NMD3: variants seen among roughly 807,000 people sequenced by gnomAD.
NMD3 encodes the protein NMD3 ribosome export adaptor, also known as 60S ribosomal export protein NMD3.
A neutral mutation model predicts 73.1 loss-of-function variants in NMD3; 47 were observed. That is an observed-to-expected ratio of 0.64 (90% CI 0.51 to 0.82). The LOEUF is 0.82. Among genes scored for constraint, NMD3 ranks in the 40% least tolerant of loss-of-function variants. The pLI, the probability that NMD3 is intolerant of heterozygous loss-of-function variation, is 0.00. For synonymous variants in NMD3, 210 were observed against 194.5 expected, an observed-to-expected ratio of 1.08 and a Z score of -0.66; for missense variants, 554 against 612.5, an observed-to-expected ratio of 0.90 and a Z score of 1.01.
chr3:161,236,304 T>A (rs1560068971), intron 7 of NMD3, among the ~76,000 whole-genome samples: 2 of 152,162 alleles, frequency 1.3e-5, no homozygotes, highest in Non-Finnish European at 1.5e-5. Context: ...TGTACCATTT[T>A]ACATTCCTGC....
At chr3:161,245,771 A>C (rs1347844147) in intron 11 of NMD3, among the ~76,000 whole-genome samples, 1 of 151,882 alleles carries the variant, frequency 6.6e-6, no homozygotes, top group Non-Finnish European at 1.5e-5. Context: ...TATATATAGC[A>C]GATGTACTAT....
intron 13 of NMD3, 56 bp from the exon 14 acceptor site, chr3:161,249,398 G>A: frequency 9.2e-7 from 1 of 1,090,954 alleles, no homozygotes; most frequent in Non-Finnish European, 1.4e-6. Flanking sequence ...ATTGAATTTT[G>A]TGGCCTCACT....
intron 11 of NMD3, among the ~76,000 whole-genome samples, chr3:161,243,128 AC>A (rs1737058691): frequency 6.6e-6 from 1 of 151,954 alleles, no homozygotes; most frequent in African/African-American, 2.4e-5. Flanking sequence ...ACATTCCAAG[AC>A]CCCCAGTGGA....
At position 161,250,766 on chromosome 3, in the gene NMD3, T is replaced by G; in HGVS notation, c.1382-14T>G. 1 of 1,562,226 alleles carries G rather than the reference T, an allele frequency of 6.4e-7. No homozygotes were observed. The highest frequency in any genetic ancestry group is 8.8e-7 in the Non-Finnish European group (1 of 1,137,018). On this transcript the variant is annotated splice_polypyrimidine_tract_variant and intron_variant, in intron 15 of 15. Transcript: ENST00000351193. ...ATACTTTGTATTTATTTTATTCTCT[T>G]TGTATTTTTTTAGATTCAGCCATCC...
intron 13 of NMD3, 135 bp downstream of exon 13, chr3:161,247,465 A>G: frequency 1.9e-6 from 1 of 516,046 alleles, no homozygotes; most frequent in Non-Finnish European, 3.4e-6. Flanking sequence ...GATAAGGTAT[A>G]ATAGCAAAAT....
intron 9 of NMD3, among the ~76,000 whole-genome samples, chr3:161,240,525 G>GTTTTTTTTTT (rs1576853312): frequency 1.5e-4 from 9 of 60,614 alleles, no homozygotes; most frequent in African/African-American, 2.4e-4. Flanking sequence ...TTGGGCCCTG[G>GTTTTTTTTTT]ATTTTTTTTT....
intron 13 of NMD3, among the ~76,000 whole-genome samples, chr3:161,248,582 A>G (rs1040393470): frequency 4.6e-5 from 7 of 152,148 alleles, no homozygotes; most frequent in African/African-American, 1.7e-4. Flanking sequence ...TTTCACATAC[A>G]TTGTTCAGTT....
chr3:161,249,559 A>C lies in NMD3; in HGVS notation c.1309A>C (p.Arg437=), dbSNP rs1461213820. The C allele has an allele frequency of 1.9e-6, 3 of 1,572,942 alleles. No individual in the cohort carries two copies. The highest frequency in any genetic ancestry group is 1.7e-5 in the Admixed American group (1 of 59,616). ...AGAAAACATGGATACAGATGATGAA[A>C]GGTCTCGCTTTTCTTTAAATCTCTT... is the stretch of plus-strand genomic sequence containing the variant. The part of the protein sequence containing the change: ...ERENMDTDDE[R]QYQDFLEDLE... Residue 437 remains arginine (R), a splice_region_variant and synonymous_variant, in exon 14 of 16, where the codon AGG becomes CGG. Coordinates refer to ENST00000351193, the MANE Select transcript of NMD3 (RefSeq NM_015938.5).
rs1209202581 is a variant in NMD3, at chr3:161,232,412, TC to T, written c.277-985del. Among the ~76,000 whole-genome samples, 9 of 152,284 alleles carry T rather than the reference TC, an allele frequency of 5.9e-5. No homozygotes were observed. In the East Asian group the frequency reaches 1.7e-3, roughly 29 times the overall value. On this transcript the variant is annotated intron_variant, in intron 4 of 15. Transcript: ENST00000351193. ...TGCAGCCCAAATTTTTTTATAGATC[TC>T]CAGACCAATTGTATCTTACTGTTCA... is the stretch of plus-strand genomic sequence containing the variant.
Position 161,248,753 on chromosome 3 carries a change from T to G in NMD3, c.1204-701T>G, listed in dbSNP as rs114327511. ...AGAATCATGAGAAACTGAATGAAAT[T>G]AGTGTGAAAGACCCTGTCTTCTATA... On this transcript the variant is annotated intron_variant, in intron 13 of 15. Coordinates refer to ENST00000351193, the MANE Select transcript of NMD3 (RefSeq NM_015938.5). 5.1e-3 allele frequency among the ~76,000 whole-genome samples: 782 copies of G among 152,262 alleles called. 4 individuals are homozygous for G. Among genetic ancestry groups the G allele is most frequent in the Non-Finnish European group, 7.4e-3 (503 of 68,014 alleles).
rs530445987 is a variant in NMD3, at chr3:161,246,535, T to G, written c.1130+87T>G. 17 of 521,226 alleles carry G rather than the reference T, an allele frequency of 3.3e-5. No homozygotes were observed. In the East Asian group the frequency reaches 4.0e-4, roughly 12 times the overall value. 32.3% of individuals were successfully genotyped at this position (521,226 alleles called of 1,614,324 possible). A position where few individuals can be genotyped will look rare whatever the true frequency, so the allele number is the denominator to read the frequency against. ...CAAAACTACCTAAAAATACTAACATTGTTTATTCTAAAAAGATCGAAGGGT... is the reference window on the plus strand; with the variant it reads ...CAAAACTACCTAAAAATACTAACATGGTTTATTCTAAAAAGATCGAAGGGT... On this transcript the variant is annotated intron_variant, in intron 12 of 15. Coordinates refer to ENST00000351193, the MANE Select transcript of NMD3 (RefSeq NM_015938.5).
chr3:161,251,157 T>C lies in NMD3; in HGVS notation c.*247T>C, dbSNP rs1737472194. Reference sequence around the variant, plus strand: ...TTTGGCAATTTTACATTTGGAATTTTATCACTGTGCTTTTTTATATGAGGC... The same window carrying C: ...TTTGGCAATTTTACATTTGGAATTTCATCACTGTGCTTTTTTATATGAGGC... On this transcript the variant is annotated 3_prime_UTR_variant, in exon 16 of 16. Transcript: ENST00000351193. The C allele has an allele frequency of 6.5e-6, 2 of 308,814 alleles. No individual in the cohort carries two copies. The highest frequency in any genetic ancestry group is 6.3e-5 in the South Asian group (1 of 15,884). 19.1% of individuals were successfully genotyped at this position (308,814 alleles called of 1,614,324 possible).
chr3:161,241,787 G>A (rs1002185205), intron 10 of NMD3, among the ~76,000 whole-genome samples: 1 of 152,156 alleles, frequency 6.6e-6, no homozygotes, highest in African/African-American at 2.4e-5. Context: ...AAAATTTGGT[G>A]TCTAGCAGTT....
intron 4 of NMD3, among the ~76,000 whole-genome samples, chr3:161,228,730 A>C (rs952943581): frequency 2.6e-5 from 4 of 152,154 alleles, no homozygotes; most frequent in Non-Finnish European, 5.9e-5. Context: ...GGTGTTGGGG[A>C]TATGGCAGTG....
intron 2 of NMD3, 60 bp downstream of exon 2, chr3:161,222,117 A>G: frequency 7.2e-7 from 1 of 1,387,560 alleles, no homozygotes; most frequent in Non-Finnish European, 1.0e-6. Context: ...AGCCCGGGAA[A>G]CTCACTATGG....
chr3:161,224,644 G>A (rs1204166501), intron 2 of NMD3, among the ~76,000 whole-genome samples: 1 of 151,766 alleles, frequency 6.6e-6, no homozygotes, highest in Non-Finnish European at 1.5e-5. Flanking sequence ...GCGCCACCAT[G>A]CCTGGCTAAT....
chr3:161,226,346 C>T (rs1346864341), intron 3 of NMD3, among the ~76,000 whole-genome samples: 1 of 151,058 alleles, frequency 6.6e-6, no homozygotes, highest in Non-Finnish European at 1.5e-5. Flanking sequence ...CCTAGCTACT[C>T]GAGAGGCAGG....
intron 5 of NMD3, 42 bp from the exon 6 acceptor site, chr3:161,234,685 A>T: frequency 6.5e-7 from 1 of 1,536,866 alleles, no homozygotes; most frequent in Non-Finnish European, 8.8e-7. Flanking sequence ...ATTTGTTATT[A>T]AACAAAACCA....
intron 12 of NMD3, among the ~76,000 whole-genome samples, chr3:161,246,846 TC>T (rs1249022564): frequency 1.3e-5 from 2 of 152,174 alleles, no homozygotes; most frequent in African/African-American, 4.8e-5. Context: ...TCTTTCTGAA[TC>T]AGAGTTTTTC....
Sources: gnomAD v4.1 joint callset for allele counts (sites outside exome capture counted in the v4.1 genomes callset) on GRCh38, gnomAD v4.1.1 for gene constraint, MANE v1.5 for transcripts, NCBI Gene and HGNC (gene_info 2026-07-23, HGNC 2026-07-21) for gene names.